The following TJP1 variants were observed in gnomAD, a reference collection of about 807,000 sequenced individuals.
TJP1 encodes tight junction protein ZO-1.
In TJP1, 43 loss-of-function variants were observed where a neutral mutation model predicts 194.2. The observed-to-expected ratio is 0.22, with a 90% CI of 0.17 to 0.29. The LOEUF (loss-of-function observed/expected upper bound fraction) is 0.29, where lower values mean the gene tolerates loss of function less well. TJP1 is among the 10% of genes least tolerant of loss of function. TJP1 has a pLI of 1.00. For synonymous variants in TJP1, 801 were observed against 779.0 expected (o/e 1.03, Z -0.47); for missense variants, 1,971 against 2,185.7 (o/e 0.90, Z 1.96).
At chr15:29,761,829 G>A in intron 6 of TJP1, 60 bp from the exon 7 acceptor site, 1 of 1,404,456 alleles carries the variant, frequency 7.1e-7, no homozygotes, top group Non-Finnish European at 9.5e-7. Flanking sequence ...TGTTAACTTA[G>A]TTTGTTATAA....
intron 1 of TJP1, chr15:29,820,478 A>G (rs781637725): frequency 2.8e-6 from 2 of 715,122 alleles, no homozygotes; most frequent in South Asian, 1.5e-5. Context: ...GCTTTTCAAT[A>G]TGCCATACAA....
At chr15:29,946,006 C>T (rs567145638) in intron 2 of TJP1, among the ~76,000 whole-genome samples, 1 of 152,258 alleles carries the variant, frequency 6.6e-6, no homozygotes, top group East Asian at 1.9e-4. Flanking sequence ...GAAGAAAAGG[C>T]TTATTCCAGG....
At chr15:29,806,791 GAATAGTGCTACATGTTAAAAGGT>G (rs1039923981) in intron 1 of TJP1, among the ~76,000 whole-genome samples, 1 of 152,084 alleles carries the variant, frequency 6.6e-6, no homozygotes, top group Non-Finnish European at 1.5e-5. Context: ...AGTACAAAGG[GAATAGTGCTACATGTTAAAAGGT>G]AAGGCAAAAT....
intron 1 of TJP1, among the ~76,000 whole-genome samples, chr15:29,803,366 T>C (rs75266103): frequency 6.6e-6 from 1 of 152,264 alleles, no homozygotes; most frequent in East Asian, 1.9e-4. Context: ...AGAAATTATA[T>C]GAGATATTCA....
upstream of TJP1, among the ~76,000 whole-genome samples, chr15:29,826,897 A>G (rs1248396694): frequency 1.3e-5 from 2 of 152,082 alleles, no homozygotes; most frequent in African/African-American, 4.8e-5. Flanking sequence ...CAATGGGAAA[A>G]TGAGGCACAC....
intron 2 of TJP1, among the ~76,000 whole-genome samples, chr15:29,774,635 T>C (rs1301340662): frequency 6.6e-6 from 1 of 150,990 alleles, no homozygotes; most frequent in Non-Finnish European, 1.5e-5. Context: ...TGGGAGGTGT[T>C]TTTTTTTTCC....
intron 15 of TJP1, 42 bp downstream of exon 15, chr15:29,732,391 G>GT: frequency 6.5e-7 from 1 of 1,538,532 alleles, no homozygotes; most frequent in East Asian, 2.2e-5. Flanking sequence ...CTTTAGAGGT[G>GT]TAACTCCCAA....
At chr15:29,852,733 C>G (rs999139194) in intron 2 of TJP1, among the ~76,000 whole-genome samples, 1 of 151,936 alleles carries the variant, frequency 6.6e-6, no homozygotes, top group African/African-American at 2.4e-5. Context: ...TGGAGAAACC[C>G]CGTCTCTACT....
chr15:29,708,656 C>G lies in TJP1; in HGVS notation c.4753G>C (p.Glu1585Gln). The G allele has an allele frequency of 6.2e-7, 1 of 1,614,210 alleles. No homozygotes were observed. The highest frequency in any genetic ancestry group is 8.5e-7 in the Non-Finnish European group (1 of 1,180,038). ...VKSHSLAQPPEFDSGVETFSI... is the reference protein window; with the variant it reads ...VKSHSLAQPPQFDSGVETFSI... ...AAAGTTTCAACTCCACTGTCAAACT[C>G]AGGAGGCTGTGCCAAACTGTGCGAT... is the stretch of plus-strand genomic sequence containing the variant. The change falls in exon 25 of 28, where the codon GAG (glutamate) becomes CAG (glutamine). Residue 1585 changes from glutamate to glutamine, a missense_variant. This residue lies in a region of TJP1 where 1,108 missense variants were observed against 1,128.5 expected (regional missense o/e 0.98). Transcript: ENST00000614355.
At chr15:29,757,579 T>C (rs530554714) in intron 8 of TJP1, among the ~76,000 whole-genome samples, 10 of 152,326 alleles carry the variant, frequency 6.6e-5, no homozygotes, top group South Asian at 4.1e-4. Flanking sequence ...AGATTCAACT[T>C]TGGGGTGGAA....
chr15:29,856,857 CAAA>C (rs77177219), intron 2 of TJP1, among the ~76,000 whole-genome samples: 3 of 101,192 alleles, frequency 3.0e-5, no homozygotes, highest in Non-Finnish European at 2.1e-5. Flanking sequence ...GACTCCGTCT[CAAA>C]AAAAAAAAAA....
At chr15:29,863,035 C>T (rs1012762504) in intron 2 of TJP1, among the ~76,000 whole-genome samples, 6 of 151,602 alleles carry the variant, frequency 4.0e-5, no homozygotes, top group African/African-American at 1.5e-4. Context: ...TGGCTCATGC[C>T]TATAATCCGA....
At chr15:29,940,608 T>C (rs904682208) in intron 2 of TJP1, among the ~76,000 whole-genome samples, 5 of 152,228 alleles carry the variant, frequency 3.3e-5, no homozygotes, top group Non-Finnish European at 5.9e-5. Flanking sequence ...ATGTTATTTA[T>C]ATGTTCCTCA....
intron 2 of TJP1, among the ~76,000 whole-genome samples, chr15:29,906,887 A>C (rs1345648182): frequency 2.6e-5 from 4 of 151,994 alleles, no homozygotes; most frequent in Admixed American, 6.6e-5. Context: ...GCCTTGAAAA[A>C]GTATTTGATG....
intron 2 of TJP1, among the ~76,000 whole-genome samples, chr15:29,916,081 C>T (rs1458893289): frequency 6.6e-6 from 1 of 151,834 alleles, no homozygotes; most frequent in African/African-American, 2.4e-5. Flanking sequence ...CCCGCCTCTA[C>T]AAAAAATACA....
intron 1 of TJP1, among the ~76,000 whole-genome samples, chr15:29,818,005 T>G (rs758642009): frequency 3.3e-5 from 5 of 151,478 alleles, no homozygotes; most frequent in Non-Finnish European, 7.4e-5. Flanking sequence ...ATCCCAGAAC[T>G]TAATTAAAAA....
At chr15:29,908,548 C>T (rs1260066482) in intron 2 of TJP1, among the ~76,000 whole-genome samples, 1 of 152,192 alleles carries the variant, frequency 6.6e-6, no homozygotes, top group Non-Finnish European at 1.5e-5. Context: ...TTCTTCCTTG[C>T]TAACAAATTC....
chr15:29,708,172 G>A (rs1479045040), intron 25 of TJP1, among the ~76,000 whole-genome samples: 2 of 150,706 alleles, frequency 1.3e-5, no homozygotes, highest in Non-Finnish European at 3.0e-5. Context: ...CTCCAGCCTG[G>A]GCGACAGAGG....
At chr15:29,821,675 T>A (rs915476315) in intron 1 of TJP1, 4 of 152,674 alleles carry the variant, frequency 2.6e-5, no homozygotes, top group African/African-American at 9.7e-5. Context: ...GAGCCGAGTT[T>A]CTCCGCGAGG....
Sources: gnomAD v4.1 joint callset for allele counts (sites outside exome capture counted in the v4.1 genomes callset) on GRCh38, gnomAD v4.1.1 for gene constraint, gnomAD v4.1.1 regional missense constraint, MANE v1.5 for transcripts, NCBI Gene and HGNC (gene_info 2026-07-23, HGNC 2026-07-21) for gene names.